GNG7: variants seen among roughly 807,000 people sequenced by gnomAD.
GNG7 encodes guanine nucleotide-binding protein G(I)/G(S)/G(O) subunit gamma-7.
A neutral mutation model predicts 4.0 loss-of-function variants in GNG7; 1 was observed. The ratio of observed to expected loss-of-function variants is 0.25; its 90% confidence interval spans 0.09 to 1.18. GNG7 has a LOEUF of 1.18. Among genes scored for constraint, GNG7 ranks in the 50% most tolerant of loss-of-function variants. The pLI is 0.50. For synonymous variants in GNG7, 34 were observed against 36.9 expected (o/e 0.92, Z 0.29); for missense variants, 86 against 91.9 (o/e 0.94, Z 0.26).
intron 2 of GNG7, chr19:2,641,926 A>C (rs906410631): frequency 8.5e-5 from 13 of 152,084 alleles, no homozygotes; most frequent in African/African-American, 3.1e-4. Flanking sequence ...CGACCTCCCA[A>C]AGTGCTGGGA....
chr19:2,652,739 G>C (rs2144868255), intron 1 of GNG7, among the ~76,000 whole-genome samples: 1 of 152,266 alleles, frequency 6.6e-6, no homozygotes, highest in Non-Finnish European at 1.5e-5. Flanking sequence ...AGTTTCAGCT[G>C]TGTTGGAAAC....
intron 1 of GNG7, among the ~76,000 whole-genome samples, chr19:2,690,118 A>C (rs1489484657): frequency 1.3e-5 from 2 of 151,976 alleles, no homozygotes; most frequent in Admixed American, 6.6e-5. Flanking sequence ...ACGGTGGCTC[A>C]CGTCTGTAAT....
intron 2 of GNG7, among the ~76,000 whole-genome samples, chr19:2,627,144 G>T (rs1982041448): frequency 6.6e-6 from 1 of 152,122 alleles, no homozygotes; most frequent in Non-Finnish European, 1.5e-5. Flanking sequence ...ATCTCTTGGG[G>T]TCTGTGGAAT....
At chr19:2,650,597 A>C (rs983826805) in intron 1 of GNG7, among the ~76,000 whole-genome samples, 1 of 152,150 alleles carries the variant, frequency 6.6e-6, no homozygotes, top group African/African-American at 2.4e-5. Context: ...TGGACTTGGC[A>C]GTGAGGCGAT....
intron 2 of GNG7, among the ~76,000 whole-genome samples, chr19:2,625,830 C>G (rs1015080228): frequency 2.0e-4 from 31 of 152,180 alleles, no homozygotes; most frequent in African/African-American, 7.2e-4. Flanking sequence ...GAGTCTCACT[C>G]TGTCGCCCAG....
chr19:2,671,017 G>A (rs62119824), intron 1 of GNG7, among the ~76,000 whole-genome samples: 34,105 of 151,938 alleles, frequency 0.22, 4,930 homozygotes, highest in East Asian at 0.53. Context: ...GTTTATTCTG[G>A]TGTCTGGTGT....
chr19:2,646,221 G>A lies in GNG7; in HGVS notation c.-78+3C>T, dbSNP rs1013888554. On this transcript the variant is annotated splice_donor_region_variant and intron_variant, in intron 2 of 4. Transcript: ENST00000382159. ...TAACAAAGAAATGCATTACAGCACCGACCTGTGCAGGAGGTCTCGCCGTCT... is the reference window on the plus strand; with the variant it reads ...TAACAAAGAAATGCATTACAGCACCAACCTGTGCAGGAGGTCTCGCCGTCT... The A allele has an allele frequency of 6.6e-6, 1 of 152,154 alleles. No homozygotes were observed. Among genetic ancestry groups the A allele is most frequent in the Non-Finnish European group, 1.5e-5 (1 of 68,044 alleles). 9.4% of individuals were successfully genotyped at this position (152,154 alleles called of 1,614,324 possible).
Position 2,553,806 on chromosome 19 carries a change from A to ACT in GNG7, c.-38+1342_-38+1343insAG, listed in dbSNP as rs1568241246. On this transcript the variant is annotated intron_variant, in intron 3 of 4. Coordinates refer to ENST00000382159, the MANE Select transcript of GNG7 (RefSeq NM_052847.3). ...TCACACACATGTACGTATCATGTGT[A>ACT]ATATATCACATACATGTACATATTA... Among the ~76,000 whole-genome samples the ACT allele has an allele frequency of 2.3e-4, 28 of 121,644 alleles. 1 individual carries two copies. The highest frequency in any genetic ancestry group is 1.5e-3 in the Admixed American group (19 of 12,280). 79.8% of individuals were successfully genotyped at this position (121,644 alleles called of 152,430 possible).
chr19:2,518,585 C>G (rs1377387568), intron 4 of GNG7, among the ~76,000 whole-genome samples: 3 of 152,120 alleles, frequency 2.0e-5, no homozygotes, highest in Admixed American at 6.6e-5. Context: ...CCTGTGCCAC[C>G]TGGCCAGCAG....
At chr19:2,552,454 G>A (rs922403608) in intron 3 of GNG7, among the ~76,000 whole-genome samples, 39 of 151,982 alleles carry the variant, frequency 2.6e-4, no homozygotes, top group Admixed American at 6.6e-4. Context: ...GTGCGATCTC[G>A]GCTCACTACA....
intron 4 of GNG7, among the ~76,000 whole-genome samples, chr19:2,518,582 C>G (rs1435348991): frequency 3.3e-5 from 5 of 152,108 alleles, no homozygotes; most frequent in Non-Finnish European, 7.4e-5. Flanking sequence ...CCACCTGTGC[C>G]ACCTGGCCAG....
chr19:2,625,335 G>A (rs1225965368), intron 2 of GNG7, among the ~76,000 whole-genome samples: 2 of 152,156 alleles, frequency 1.3e-5, no homozygotes, highest in Non-Finnish European at 2.9e-5. Context: ...GCACCCCAAA[G>A]CACTGGGATT....
intron 3 of GNG7, among the ~76,000 whole-genome samples, chr19:2,552,614 A>T (rs1260279091): frequency 6.7e-6 from 1 of 148,226 alleles, no homozygotes; most frequent in Non-Finnish European, 1.5e-5. Flanking sequence ...CGAACTCCTG[A>T]CCTCAAGTGA....
intron 2 of GNG7, among the ~76,000 whole-genome samples, chr19:2,605,002 G>A (rs539905296): frequency 6.6e-6 from 1 of 152,252 alleles, no homozygotes; most frequent in African/African-American, 2.4e-5. Flanking sequence ...AATGGAAATG[G>A]ATTCTCTATG....
intron 2 of GNG7, among the ~76,000 whole-genome samples, chr19:2,575,378 G>A (rs1017993956): frequency 6.6e-6 from 1 of 152,174 alleles, no homozygotes; most frequent in Non-Finnish European, 1.5e-5. Context: ...CCCTGCTCGA[G>A]TCTTTTTGGG....
chr19:2,548,468 G>T (rs1479256597), intron 3 of GNG7, among the ~76,000 whole-genome samples: 3 of 124,708 alleles, frequency 2.4e-5, no homozygotes, highest in African/African-American at 9.6e-5. Context: ...GCGACAGAGC[G>T]AGGCTCTGTC....
intron 1 of GNG7, among the ~76,000 whole-genome samples, chr19:2,696,223 A>G (rs1392914746): frequency 6.8e-6 from 1 of 147,180 alleles, no homozygotes; most frequent in African/African-American, 2.6e-5. Context: ...GGAAGAGAGG[A>G]GAGAGAGGAG....
chr19:2,667,047 C>T (rs1261303145), intron 1 of GNG7, among the ~76,000 whole-genome samples: 1 of 152,172 alleles, frequency 6.6e-6, no homozygotes, highest in Non-Finnish European at 1.5e-5. Context: ...CATCCGGGCG[C>T]GGTGGCTCAC....
intron 2 of GNG7, among the ~76,000 whole-genome samples, chr19:2,644,339 A>G (rs1982602751): frequency 2.3e-4 from 2 of 8,862 alleles, no homozygotes; most frequent in Non-Finnish European, 4.6e-4. Flanking sequence ...ATATATATAT[A>G]TATATATATA....
Sources: allele counts gnomAD v4.1 joint callset (sites outside exome capture counted in the v4.1 genomes callset), GRCh38; gene constraint gnomAD v4.1.1; transcripts MANE v1.5; gene names NCBI Gene and HGNC (gene_info 2026-07-23, HGNC 2026-07-21).